Variants in RCOR1 observed in about 807,000 individuals in gnomAD.
RCOR1 encodes the protein REST corepressor 1, also known as REST corepressor.
In RCOR1, 12 loss-of-function variants were observed where a neutral mutation model predicts 64.0. That is an observed-to-expected ratio of 0.19 (90% CI 0.12 to 0.30). RCOR1 has a LOEUF of 0.30. RCOR1 is among the 10% of genes least tolerant of loss of function. The pLI is 1.00. For missense variants in RCOR1, 502 were observed against 621.2 expected, an observed-to-expected ratio of 0.81 and a Z score of 2.04; for synonymous variants, 279 against 227.2, an observed-to-expected ratio of 1.23 and a Z score of -2.05.
At chr14:102,614,834 ATTTT>A (rs771047712) in intron 2 of RCOR1, among the ~76,000 whole-genome samples, 37 of 144,470 alleles carry the variant, frequency 2.6e-4, no homozygotes, top group African/African-American at 8.8e-4. Flanking sequence ...TTTCTGAATA[ATTTT>A]TTTTTTTTTT....
At chr14:102,632,405 G>A (rs1894132885) in intron 2 of RCOR1, among the ~76,000 whole-genome samples, 1 of 150,114 alleles carries the variant, frequency 6.7e-6, no homozygotes, top group Non-Finnish European at 1.5e-5. Flanking sequence ...TTTTAGTAGA[G>A]ACGGGGTTTC....
chr14:102,608,659 T>G (rs550986648), intron 2 of RCOR1, among the ~76,000 whole-genome samples: 1 of 152,072 alleles, frequency 6.6e-6, no homozygotes, highest in Non-Finnish European at 1.5e-5. Flanking sequence ...GGTCTTGAGC[T>G]CCCGACCTCA....
At chr14:102,617,554 C>G (rs1288336077) in intron 2 of RCOR1, among the ~76,000 whole-genome samples, 1 of 150,774 alleles carries the variant, frequency 6.6e-6, no homozygotes, top group African/African-American at 2.4e-5. Context: ...AGTCACTGCA[C>G]TCCAGCCGGG....
At chr14:102,628,264 T>C (rs1019984574) in intron 2 of RCOR1, among the ~76,000 whole-genome samples, 3 of 152,190 alleles carry the variant, frequency 2.0e-5, no homozygotes, top group Non-Finnish European at 4.4e-5. Flanking sequence ...TCATTTTATC[T>C]GAAAGCACTG....
At position 102,592,788 on chromosome 14, in the gene RCOR1, C is replaced by G. The variant is rs1284615391; in HGVS notation, c.-99C>G. ...GCCCGTGGGCTCCCGCCGCGCCCGCCCGGCCCCGCGCCGGCCCCGCGCCCC... is the reference window on the plus strand; with the variant it reads ...GCCCGTGGGCTCCCGCCGCGCCCGCGCGGCCCCGCGCCGGCCCCGCGCCCC... On this transcript the variant is annotated 5_prime_UTR_variant, in exon 1 of 12. Coordinates refer to ENST00000262241, the MANE Select transcript of RCOR1 (RefSeq NM_015156.4). 3 of 1,191,502 alleles carry G rather than the reference C, an allele frequency of 2.5e-6. No individual in the cohort carries two copies. Among genetic ancestry groups the G allele is most frequent in the Non-Finnish European group, 3.1e-6 (3 of 961,910 alleles). The allele number at this position is 1,191,502 out of a possible 1,614,324, so 73.8% of individuals were successfully genotyped here.
intron 3 of RCOR1, among the ~76,000 whole-genome samples, chr14:102,688,102 G>T (rs536985771): frequency 9.9e-5 from 15 of 152,194 alleles, no homozygotes; most frequent in African/African-American, 2.6e-4. Flanking sequence ...GAGTAGCTGG[G>T]ATTACATGCG....
intron 2 of RCOR1, among the ~76,000 whole-genome samples, chr14:102,633,578 C>A (rs917881754): frequency 6.6e-6 from 1 of 152,024 alleles, no homozygotes; most frequent in East Asian, 1.9e-4. Flanking sequence ...TTTGCTCTGT[C>A]ACCCAGGCTA....
chr14:102,670,214 A>G (rs558248666), intron 2 of RCOR1, among the ~76,000 whole-genome samples: 1 of 152,184 alleles, frequency 6.6e-6, no homozygotes, highest in Non-Finnish European at 1.5e-5. Context: ...GCCTCTCCCA[A>G]AGTGCTGGGG....
chr14:102,692,374 C>T (rs1050878905), intron 3 of RCOR1, among the ~76,000 whole-genome samples: 2 of 151,610 alleles, frequency 1.3e-5, no homozygotes, highest in Non-Finnish European at 2.9e-5. Flanking sequence ...AAAACACTTG[C>T]TGAATGTTTA....
At chr14:102,633,999 T>C (rs1894180294) in intron 2 of RCOR1, among the ~76,000 whole-genome samples, 1 of 152,152 alleles carries the variant, frequency 6.6e-6, no homozygotes, top group Non-Finnish European at 1.5e-5. Context: ...CATACATGCT[T>C]GTGTACTCCA....
intron 4 of RCOR1, among the ~76,000 whole-genome samples, chr14:102,703,317 A>G (rs1207523351): frequency 6.6e-6 from 1 of 152,214 alleles, no homozygotes; most frequent in Non-Finnish European, 1.5e-5. Context: ...ATGGCCAAAA[A>G]TTTCGCAAAT....
At chr14:102,640,256 G>A (rs903712464) in intron 2 of RCOR1, among the ~76,000 whole-genome samples, 2 of 152,206 alleles carry the variant, frequency 1.3e-5, no homozygotes, top group Admixed American at 6.5e-5. Flanking sequence ...GCTGGGAGCC[G>A]CTGTGCCCAG....
intron 2 of RCOR1, among the ~76,000 whole-genome samples, chr14:102,622,686 A>T (rs1242944210): frequency 6.6e-6 from 1 of 151,786 alleles, no homozygotes; most frequent in Non-Finnish European, 1.5e-5. Context: ...CCATCTCCTG[A>T]TGACACTGCC....
chr14:102,632,982 A>T (rs1894160203), intron 2 of RCOR1, among the ~76,000 whole-genome samples: 3 of 150,648 alleles, frequency 2.0e-5, no homozygotes, highest in Admixed American at 6.7e-5. Flanking sequence ...TAATTTTTAA[A>T]TTTTTTTTAC....
chr14:102,659,343 TAA>T, intron 2 of RCOR1: 1 of 866,626 alleles, frequency 1.2e-6, no homozygotes, highest in East Asian at 1.2e-4. Context: ...TTAAGGCTCA[TAA>T]AGTCTTCCGT....
chr14:102,608,662 C>T (rs1221777004), intron 2 of RCOR1, among the ~76,000 whole-genome samples: 1 of 151,586 alleles, frequency 6.6e-6, no homozygotes, highest in East Asian at 1.9e-4. Context: ...CTTGAGCTCC[C>T]GACCTCAGGT....
At chr14:102,700,742 C>G (rs962117638) in intron 3 of RCOR1, among the ~76,000 whole-genome samples, 2 of 152,208 alleles carry the variant, frequency 1.3e-5, no homozygotes, top group Admixed American at 1.3e-4. Context: ...TCAGACGTTT[C>G]TCTGCAGGAT....
intron 2 of RCOR1, among the ~76,000 whole-genome samples, chr14:102,618,632 T>G (rs1357547271): frequency 6.6e-6 from 1 of 152,152 alleles, no homozygotes; most frequent in African/African-American, 2.4e-5. Flanking sequence ...CTAAACAAAT[T>G]TCTCTGGCTG....
At chr14:102,641,194 G>C (rs1447290015) in intron 2 of RCOR1, among the ~76,000 whole-genome samples, 2 of 152,092 alleles carry the variant, frequency 1.3e-5, no homozygotes, top group Non-Finnish European at 2.9e-5. Flanking sequence ...GGTGGAGGTT[G>C]CAGTGACCCG....
Sources: gnomAD v4.1 joint callset for allele counts (sites outside exome capture counted in the v4.1 genomes callset) on GRCh38, gnomAD v4.1.1 for gene constraint, MANE v1.5 for transcripts, NCBI Gene and HGNC (gene_info 2026-07-23, HGNC 2026-07-21) for gene names.